The following PRDM6 variants were observed in gnomAD, a reference collection of about 807,000 sequenced individuals.
PRDM6 encodes the protein PR/SET domain 6.
PRDM6 carries 25 observed loss-of-function variants against 60.8 expected under a neutral mutation model. The observed-to-expected ratio is 0.41, with a 90% CI of 0.30 to 0.57. The LOEUF (loss-of-function observed/expected upper bound fraction) is 0.57. Ranked by LOEUF, PRDM6 falls within the 20% of genes least tolerant of loss-of-function variation. PRDM6 has a pLI of 0.27. For missense variants in PRDM6, 839 were observed against 821.3 expected, an observed-to-expected ratio of 1.02 and a Z score of -0.26; for synonymous variants, 407 against 357.4, an observed-to-expected ratio of 1.14 and a Z score of -1.57.
In PRDM6 at chr5:123,187,231, G is replaced by A; in HGVS notation, c.*30G>A. On this transcript the variant is annotated 3_prime_UTR_variant, in exon 8 of 8. Coordinates refer to ENST00000407847, the MANE Select transcript of PRDM6 (RefSeq NM_001136239.4). ...TTGACTGGTTGGAATTAAACTGCAA[G>A]GAAAGTCATGATTAAATGTCACGGA... 1 of 1,486,162 alleles carries A rather than the reference G, an allele frequency of 6.7e-7. No individual in the cohort carries two copies. The allele number at this position is 1,486,162 out of a possible 1,614,324, so 92.1% of individuals were successfully genotyped here.
intron 3 of PRDM6, among the ~76,000 whole-genome samples, chr5:123,116,601 G>T (rs1468700146): frequency 6.6e-6 from 1 of 152,062 alleles, no homozygotes; most frequent in African/African-American, 2.4e-5. Context: ...GGATATGTAT[G>T]GAAATCAAAC....
At chr5:123,159,713 TG>T in intron 5 of PRDM6, 75 bp downstream of exon 5, 1 of 1,368,408 alleles carries the variant, frequency 7.3e-7, no homozygotes, top group East Asian at 2.5e-5. Flanking sequence ...GAGCTTTTTT[TG>T]AAACTCATGA....
In PRDM6 at chr5:123,090,063, C is replaced by T. The variant is rs1323535432; in HGVS notation, c.49C>T (p.Pro17Ser). The change falls in exon 2 of 8, where the codon CCA (proline) becomes TCA (serine). Residue 17 changes from proline (P) to serine (S), a missense_variant. Physicochemically the swap from Pro to Ser is moderately conservative, Grantham distance 74 (BLOSUM62 -1). Coordinates refer to ENST00000407847, the MANE Select transcript of PRDM6 (RefSeq NM_001136239.4). ...CGGTTCGGCCTTCCTCAAAGTGGAC[C>T]CAGCCTACCTGCAGCACTGGCAGCA... The part of the protein sequence containing the change: ...PGGSAFLKVD[P>S]AYLQHWQQLF... 4 of 1,548,338 alleles carry T rather than the reference C, an allele frequency of 2.6e-6. No homozygotes were observed. Among genetic ancestry groups the T allele is most frequent in the East Asian group, 2.5e-5 (1 of 40,664 alleles).
At chr5:123,165,629 A>C (rs1287179671) in intron 5 of PRDM6, among the ~76,000 whole-genome samples, 1 of 152,212 alleles carries the variant, frequency 6.6e-6, no homozygotes, top group East Asian at 1.9e-4. Flanking sequence ...TACTGTGGAC[A>C]TAAAAGTCTA....
At chr5:123,120,328 G>T (rs1764553177) in intron 3 of PRDM6, among the ~76,000 whole-genome samples, 1 of 152,190 alleles carries the variant, frequency 6.6e-6, no homozygotes, top group African/African-American at 2.4e-5. Flanking sequence ...TCTCCTCTAG[G>T]AATTCTGCTG....
chr5:123,123,066 A>C (rs1764613975), intron 3 of PRDM6, among the ~76,000 whole-genome samples: 1 of 152,146 alleles, frequency 6.6e-6, no homozygotes, highest in Non-Finnish European at 1.5e-5. Flanking sequence ...TCTGGGTTAA[A>C]ATACTTATAT....
In PRDM6 at chr5:123,136,614, A is replaced by G. The variant is rs116415757; in HGVS notation, c.901-19270A>G. ...GACCAAATTTTTCTTCTGAATTTTA[A>G]TTCTCTTATTTGAGAATAAGGGGCT... On this transcript the variant is annotated intron_variant, in intron 3 of 7. Transcript: ENST00000407847. Among the ~76,000 whole-genome samples, 1,361 of 152,286 alleles carry G rather than the reference A, an allele frequency of 8.9e-3. 26 individuals are homozygous for G. Among genetic ancestry groups the G allele is most frequent in the African/African-American group, 0.031 (1,294 of 41,570 alleles).
intron 6 of PRDM6, among the ~76,000 whole-genome samples, chr5:123,176,196 G>A (rs1766003844): frequency 1.3e-5 from 2 of 151,094 alleles, no homozygotes; most frequent in Non-Finnish European, 2.9e-5. Flanking sequence ...CATGTGGCTT[G>A]TGGCTCCAGT....
At chr5:123,147,277 AAAAGAGAGAG>A (rs1273845613) in intron 3 of PRDM6, among the ~76,000 whole-genome samples, 2 of 87,898 alleles carry the variant, frequency 2.3e-5, no homozygotes, top group Non-Finnish European at 4.9e-5. Context: ...ACTGATACTA[AAAAGAGAGAG>A]AGAGAGAGAG....
chr5:123,157,292 A>C (rs185909376), intron 4 of PRDM6, among the ~76,000 whole-genome samples: 222 of 152,268 alleles, frequency 1.5e-3, no homozygotes, highest in Middle Eastern at 6.8e-3. Flanking sequence ...TGTGGGCTTT[A>C]TTCACCTTTA....
intron 6 of PRDM6, among the ~76,000 whole-genome samples, chr5:123,173,929 G>A (rs147042355): frequency 1.1e-4 from 17 of 152,280 alleles, no homozygotes; most frequent in East Asian, 5.8e-4. Context: ...ATTGCTAAAC[G>A]GAAAAAATGT....
At chr5:123,155,708 T>G (rs1379458458) in intron 3 of PRDM6, among the ~76,000 whole-genome samples, 176 bp from the exon 4 acceptor site, 1 of 152,212 alleles carries the variant, frequency 6.6e-6, no homozygotes, top group African/African-American at 2.4e-5. Context: ...TCGACTTGCA[T>G]CATCAAAACA....
intron 3 of PRDM6, among the ~76,000 whole-genome samples, chr5:123,142,902 A>AAAAAAAAAAAAAAAAG (rs1765143582): frequency 1.1e-5 from 1 of 94,724 alleles, no homozygotes; most frequent in Non-Finnish European, 2.2e-5. Flanking sequence ...AAAAAAAAAA[A>AAAAAAAAAAAAAAAAG]CAAACAAACC....
In PRDM6 at chr5:123,147,279, A is replaced by AGAGAG. The variant is rs1561853112; in HGVS notation, c.901-8605_901-8604insGAGAG. ...GAAATACATTAACACTGATACTAAA[A>AGAGAG]AGAGAGAGAGAGAGAGAGAGAGAGA... On this transcript the variant is annotated intron_variant, in intron 3 of 7. Transcript: ENST00000407847. Among the ~76,000 whole-genome samples the AGAGAG allele has an allele frequency of 2.6e-4, 38 of 147,584 alleles. 1 individual carries two copies. The highest frequency in any genetic ancestry group is 7.8e-4 in the African/African-American group (31 of 39,790).
intron 3 of PRDM6, among the ~76,000 whole-genome samples, chr5:123,108,270 G>A (rs1317398340): frequency 1.3e-5 from 2 of 152,076 alleles, no homozygotes; most frequent in East Asian, 1.9e-4. Flanking sequence ...CAGTAGAAAC[G>A]TCTTAAGTGC....
intron 3 of PRDM6, among the ~76,000 whole-genome samples, chr5:123,115,641 TTTCTTTAAA>T (rs1454626112): frequency 6.6e-6 from 1 of 152,212 alleles, no homozygotes; most frequent in African/African-American, 2.4e-5. Context: ...CAGTTAGTAT[TTTCTTTAAA>T]TTCATAGATG....
intron 3 of PRDM6, among the ~76,000 whole-genome samples, chr5:123,145,092 T>G (rs571325066): frequency 2.0e-5 from 3 of 152,346 alleles, no homozygotes; most frequent in Admixed American, 1.3e-4. Flanking sequence ...GTTATATCCT[T>G]GCATGCTTGT....
At position 123,090,295 on chromosome 5, in the gene PRDM6, C is replaced by A; in HGVS notation, c.281C>A (p.Ser94Tyr). ...ASSSTSASSA[S>Y]SCAAAAAAAA... ...TCTTCCACCTCCGCCTCCTCCGCCT[C>A]CTCCTGCGCTGCTGCGGCCGCTGCC... The change falls in exon 2 of 8, where the codon TCC becomes TAC. Residue 94 changes from serine to tyrosine, a missense_variant. Physicochemically the swap from Ser to Tyr is moderately radical, Grantham distance 144. This residue lies in a region of PRDM6 where 730 missense variants were observed against 648.8 expected (regional missense o/e 1.13). Transcript: ENST00000407847. 6.7e-7 allele frequency: 1 copy of A among 1,488,570 alleles called. No homozygotes were observed. 92.2% of individuals were successfully genotyped at this position (1,488,570 alleles called of 1,614,324 possible).
At chr5:123,090,927 C>A (rs544954939) in intron 2 of PRDM6, among the ~76,000 whole-genome samples, 280 of 152,316 alleles carry the variant, frequency 1.8e-3, no homozygotes, top group Non-Finnish European at 3.0e-3. Flanking sequence ...TCTGCCCTCC[C>A]GCCGGACAGT....
Sources: gnomAD v4.1 joint callset for allele counts (sites outside exome capture counted in the v4.1 genomes callset) on GRCh38, gnomAD v4.1.1 for gene constraint, gnomAD v4.1.1 regional missense constraint, MANE v1.5 for transcripts, NCBI Gene and HGNC (gene_info 2026-07-23, HGNC 2026-07-21) for gene names.